IMMP2L: variants seen among roughly 807,000 people sequenced by gnomAD.
IMMP2L encodes the protein mitochondrial inner membrane protease subunit 2.
In IMMP2L, 18 loss-of-function variants were observed where a neutral mutation model predicts 19.3. The observed-to-expected ratio is 0.93, with a 90% CI of 0.64 to 1.38. The LOEUF (loss-of-function observed/expected upper bound fraction) is 1.38. Ranked by LOEUF, IMMP2L falls within the 40% of genes most tolerant of loss-of-function variation. The pLI, the probability that IMMP2L is intolerant of heterozygous loss-of-function variation, is 0.00. For synonymous variants in IMMP2L, 76 were observed against 73.0 expected, an observed-to-expected ratio of 1.04 and a Z score of -0.21; for missense variants, 233 against 218.2, an observed-to-expected ratio of 1.07 and a Z score of -0.43.
intron 3 of IMMP2L, among the ~76,000 whole-genome samples, chr7:111,020,086 T>TTA (rs1554492971): frequency 5.0e-5 from 7 of 140,268 alleles, no homozygotes; most frequent in Admixed American, 2.1e-4. Flanking sequence ...ATACAACAAT[T>TTA]AAAAAAAAAA....
rs533545299 is a variant in IMMP2L at position 111,052,231 on chromosome 7, T to C, written c.240-88666A>G. Among the ~76,000 whole-genome samples the C allele has an allele frequency of 1.1e-4, 16 of 152,284 alleles. No homozygotes were observed. In the East Asian group the frequency reaches 2.9e-3, roughly 28 times the overall value. ...ATATGCATTCTGTAGAGAATCCCTTTCCCTTTCCAGGTCTTTTCCTGACCC... is the reference window on the plus strand; with the variant it reads ...ATATGCATTCTGTAGAGAATCCCTTCCCCTTTCCAGGTCTTTTCCTGACCC... On this transcript the variant is annotated intron_variant, in intron 3 of 5. Transcript: ENST00000405709.
intron 1 of IMMP2L, among the ~76,000 whole-genome samples, chr7:111,554,654 G>C (rs1791060393): frequency 6.6e-6 from 1 of 151,730 alleles, no homozygotes; most frequent in East Asian, 1.9e-4. Context: ...ATGGAGTCTT[G>C]CTCTGTCACC....
At chr7:111,281,210 G>GAA (rs1266257498) in intron 3 of IMMP2L, among the ~76,000 whole-genome samples, 4 of 45,176 alleles carry the variant, frequency 8.9e-5, no homozygotes, top group East Asian at 1.3e-3. Flanking sequence ...AAGAAAGAAA[G>GAA]AAAGAAAAAG....
chr7:111,427,343 A>G (rs1482257786), intron 3 of IMMP2L, among the ~76,000 whole-genome samples: 1 of 151,758 alleles, frequency 6.6e-6, no homozygotes, highest in African/African-American at 2.4e-5. Flanking sequence ...TAATGACTGA[A>G]AAAATCAGTT....
intron 3 of IMMP2L, chr7:111,411,803 G>A (rs1834459006): frequency 9.8e-6 from 2 of 204,948 alleles, no homozygotes; most frequent in Non-Finnish European, 1.1e-5. Flanking sequence ...TGAGCCAATC[G>A]ATGCCACCGG....
chr7:111,311,442 CAAGT>C (rs1823505090), intron 3 of IMMP2L, among the ~76,000 whole-genome samples: 1 of 152,068 alleles, frequency 6.6e-6, no homozygotes, highest in East Asian at 1.9e-4. Context: ...GGATTAGTGT[CAAGT>C]AAGAGCCATG....
rs547261782 is a variant in IMMP2L, at chr7:111,422,620, G to T, written c.239+64618C>A. 2.6e-5 allele frequency among the ~76,000 whole-genome samples: 4 copies of T among 151,982 alleles called. No homozygotes were observed. In the South Asian group the frequency reaches 8.3e-4, roughly 31 times the overall value. ...TATCAGCTTAAGGAGATTTTGGGTT[G>T]AGACGATAGTCTTTTCTACAAATAC... is the stretch of plus-strand genomic sequence containing the variant. On this transcript the variant is annotated intron_variant, in intron 3 of 5. Coordinates refer to ENST00000405709, the MANE Select transcript of IMMP2L (RefSeq NM_032549.4).
At chr7:111,192,308 A>G (rs1456122798) in intron 3 of IMMP2L, among the ~76,000 whole-genome samples, 1 of 152,160 alleles carries the variant, frequency 6.6e-6, no homozygotes, top group Non-Finnish European at 1.5e-5. Flanking sequence ...ACACCATGAT[A>G]TAAGTATAAG....
intron 3 of IMMP2L, among the ~76,000 whole-genome samples, chr7:110,980,349 T>C (rs1272130198): frequency 6.7e-6 from 1 of 148,404 alleles, no homozygotes; most frequent in Non-Finnish European, 1.5e-5. Context: ...TGCCTCAGCC[T>C]CTCCGAGTAG....
At chr7:110,753,628 C>T (rs1797863654) in intron 5 of IMMP2L, among the ~76,000 whole-genome samples, 2 of 151,926 alleles carry the variant, frequency 1.3e-5, no homozygotes, top group Non-Finnish European at 2.9e-5. Flanking sequence ...AGTGGACACT[C>T]ATATTGGTAG....
chr7:111,032,219 G>A (rs548841009), intron 3 of IMMP2L, among the ~76,000 whole-genome samples: 1 of 152,268 alleles, frequency 6.6e-6, no homozygotes, highest in African/African-American at 2.4e-5. Context: ...GGGATTACAG[G>A]CATGAGCCAC....
At chr7:111,124,617 C>T (rs1403797003) in intron 3 of IMMP2L, 2 of 1,613,802 alleles carry the variant, frequency 1.2e-6, no homozygotes, top group African/African-American at 2.7e-5. Flanking sequence ...AAGGTTTGCA[C>T]CCTGATCAAA....
At position 111,464,466 on chromosome 7, in the gene IMMP2L, G is replaced by A. The variant is rs117648358; in HGVS notation, c.239+22772C>T. Among the ~76,000 whole-genome samples the A allele has an allele frequency of 1.2e-3, 179 of 152,176 alleles. 7 individuals are homozygous for A. The East Asian group carries it at 0.031, about 27-fold the overall frequency. ...CCACTGCACTCTGCCTGGGCAACAC[G>A]GCAAAACCATGCCTCATAAGTAAAT... is the stretch of plus-strand genomic sequence containing the variant. On this transcript the variant is annotated intron_variant, in intron 3 of 5. Coordinates refer to ENST00000405709, the MANE Select transcript of IMMP2L (RefSeq NM_032549.4).
intron 3 of IMMP2L, among the ~76,000 whole-genome samples, chr7:111,387,611 C>T (rs1198062174): frequency 6.6e-6 from 1 of 152,066 alleles, no homozygotes; most frequent in Admixed American, 6.6e-5. Flanking sequence ...GTGTTATTGC[C>T]TTGCATAACA....
At chr7:110,824,193 C>T (rs112580159) in intron 5 of IMMP2L, among the ~76,000 whole-genome samples, 13 of 151,928 alleles carry the variant, frequency 8.6e-5, no homozygotes, top group African/African-American at 2.7e-4. Flanking sequence ...AAAATGGATA[C>T]GTAAATAACA....
At chr7:111,348,443 CA>C (rs1431842292) in intron 3 of IMMP2L, among the ~76,000 whole-genome samples, 3 of 152,102 alleles carry the variant, frequency 2.0e-5, no homozygotes, top group Non-Finnish European at 4.4e-5. Context: ...CCCTAAAACA[CA>C]GTAGATGTTC....
At chr7:110,910,966 G>T (rs1308156907) in intron 4 of IMMP2L, among the ~76,000 whole-genome samples, 1 of 151,954 alleles carries the variant, frequency 6.6e-6, no homozygotes, top group Non-Finnish European at 1.5e-5. Flanking sequence ...TGTAGCAAAT[G>T]GGAAGGCTGC....
intron 3 of IMMP2L, among the ~76,000 whole-genome samples, chr7:111,288,708 C>T (rs923773327): frequency 6.6e-6 from 1 of 152,034 alleles, no homozygotes; most frequent in Admixed American, 6.6e-5. Flanking sequence ...AAAATGAAAA[C>T]CACAATGAGA....
chr7:111,450,298 T>G (rs1361651278), intron 3 of IMMP2L, among the ~76,000 whole-genome samples: 1 of 151,474 alleles, frequency 6.6e-6, no homozygotes, highest in African/African-American at 2.4e-5. Context: ...TCACACTACA[T>G]GACTTCAAAC....
Sources: gnomAD v4.1 joint callset for allele counts (sites outside exome capture counted in the v4.1 genomes callset) on GRCh38, gnomAD v4.1.1 for gene constraint, MANE v1.5 for transcripts, NCBI Gene and HGNC (gene_info 2026-07-23, HGNC 2026-07-21) for gene names.